Variants in INPP5A observed in about 807,000 individuals in gnomAD.
INPP5A encodes the protein inositol polyphosphate-5-phosphatase A, also known as 43 kDa inositol polyphosphate 5-phophatase.
In INPP5A, 14 loss-of-function variants were observed where a neutral mutation model predicts 65.2. That is an observed-to-expected ratio of 0.21 (90% confidence interval 0.14 to 0.34). The LOEUF is 0.34. Ranked by LOEUF, INPP5A falls within the 10% of genes least tolerant of loss-of-function variation. INPP5A has a pLI of 1.00. For synonymous variants in INPP5A, 207 were observed against 208.3 expected (o/e 0.99, Z 0.05); for missense variants, 431 against 545.6 (o/e 0.79, Z 2.09).
chr10:132,651,489 G>A lies in INPP5A; in HGVS notation c.306+984G>A, dbSNP rs961617777. On this transcript the variant is annotated intron_variant, in intron 4 of 15. Transcript: ENST00000368594. The surrounding 1 kb of genome is among the most constrained non-coding windows in gnomAD (Gnocchi z 5.0). ...TGGGTCCATCTCCCCCATCTCTGGGGAGGCCCTGGGTCCCCCGGCCTGGTT... is the reference window on the plus strand; with the variant it reads ...TGGGTCCATCTCCCCCATCTCTGGGAAGGCCCTGGGTCCCCCGGCCTGGTT... Among the ~76,000 whole-genome samples, 1 of 144,994 alleles carries A rather than the reference G, an allele frequency of 6.9e-6. No individual in the cohort carries two copies. The highest frequency in any genetic ancestry group is 2.6e-5 in the African/African-American group (1 of 38,964).
chr10:132,607,847 T>G (rs2071879879), intron 1 of INPP5A, 68 bp from the exon 2 acceptor site: 19 of 1,471,712 alleles, frequency 1.3e-5, no homozygotes, highest in Non-Finnish European at 1.8e-5. Context: ...TCACAGGAGC[T>G]TGTCCTGGCT....
chr10:132,558,299 GGCTCTCCCCCCCGGCCCAC>G (rs1164240911), intron 1 of INPP5A, among the ~76,000 whole-genome samples: 1 of 152,036 alleles, frequency 6.6e-6, no homozygotes, highest in African/African-American at 2.4e-5. Flanking sequence ...CACGCTCTGG[GGCTCTCCCCCCCGGCCCAC>G]GCTCTCCTGA....
intron 1 of INPP5A, among the ~76,000 whole-genome samples, chr10:132,584,748 A>G (rs1408269395): frequency 6.6e-6 from 1 of 152,050 alleles, no homozygotes; most frequent in African/African-American, 2.4e-5. Context: ...TAATTTACTT[A>G]TTTTTGAGAC....
chr10:132,732,773 C>T (rs1846108562), intron 9 of INPP5A, among the ~76,000 whole-genome samples: 2 of 152,150 alleles, frequency 1.3e-5, no homozygotes, highest in South Asian at 4.1e-4. Flanking sequence ...GTGGCCATGT[C>T]GCTTCCTGTG....
At position 132,675,512 on chromosome 10, in the gene INPP5A, A is replaced by T. The variant is rs1310692049; in HGVS notation, c.307-14880A>T. 6.6e-6 allele frequency among the ~76,000 whole-genome samples: 1 copy of T among 152,174 alleles called. No homozygotes were observed. Among genetic ancestry groups the T allele is most frequent in the Non-Finnish European group, 1.5e-5 (1 of 68,034 alleles). On this transcript the variant is annotated intron_variant, in intron 4 of 15. Coordinates refer to ENST00000368594, the MANE Select transcript of INPP5A (RefSeq NM_005539.5). The surrounding 1 kb of genome is among the most constrained non-coding windows in gnomAD (Gnocchi z 4.2). ...ACCGAGGCACCTCCTGCAGTGTAAA[A>T]CACGGAGAGAAGTGCGGTTGAGCAT...
chr10:132,544,522 T>A (rs1043651746), intron 1 of INPP5A, among the ~76,000 whole-genome samples: 3 of 152,042 alleles, frequency 2.0e-5, no homozygotes, highest in Non-Finnish European at 4.4e-5. Flanking sequence ...CCAGGGCTCA[T>A]AAGCGGCAGG....
At chr10:132,686,721 AATG>A (rs1169538644) in intron 4 of INPP5A, among the ~76,000 whole-genome samples, 1 of 152,230 alleles carries the variant, frequency 6.6e-6, no homozygotes, top group African/African-American at 2.4e-5. Context: ...TTTAACATTC[AATG>A]AGGTAATGAT....
chr10:132,573,661 C>T (rs1427304359), intron 1 of INPP5A, among the ~76,000 whole-genome samples: 18 of 47,146 alleles, frequency 3.8e-4, no homozygotes, highest in Admixed American at 7.8e-4. Context: ...TTGGGGTGTG[C>T]GTGCCGTGTG....
chr10:132,709,568 C>T (rs962542005), intron 7 of INPP5A, among the ~76,000 whole-genome samples: 1 of 152,106 alleles, frequency 6.6e-6, no homozygotes, highest in Admixed American at 6.5e-5. Flanking sequence ...GGCACGTTCA[C>T]CAGGCAGCGT....
intron 4 of INPP5A, among the ~76,000 whole-genome samples, chr10:132,684,580 T>C (rs1480951730): frequency 6.6e-6 from 1 of 152,232 alleles, no homozygotes; most frequent in Non-Finnish European, 1.5e-5. Context: ...GTGGCTCATG[T>C]CTTCAGCAGT....
chr10:132,560,766 T>C (rs185745319), intron 1 of INPP5A, among the ~76,000 whole-genome samples: 148 of 152,262 alleles, frequency 9.7e-4, no homozygotes, highest in Non-Finnish European at 1.7e-3. Flanking sequence ...TCAGCATGCT[T>C]GGCTAATTTT....
At chr10:132,612,871 G>A (rs1005957246) in intron 2 of INPP5A, among the ~76,000 whole-genome samples, 15 of 152,172 alleles carry the variant, frequency 9.9e-5, no homozygotes, top group African/African-American at 2.7e-4. Context: ...GGTTTTGGGC[G>A]CATCCAGGAG....
rs1160975909 is a variant in INPP5A, at chr10:132,698,428, A to C, written c.474+509A>C. Among the ~76,000 whole-genome samples the C allele has an allele frequency of 6.6e-6, 1 of 152,212 alleles. No individual in the cohort carries two copies. The highest frequency in any genetic ancestry group is 1.5e-5 in the Non-Finnish European group (1 of 68,026). ...GTCACACGGAGAGATTAGAATCAAA[A>C]TGTGTGGAAGGCATTTGTCGTCTCA... On this transcript the variant is annotated intron_variant, in intron 6 of 15. Transcript: ENST00000368594. This position sits in a 1 kb window ranked among gnomAD's most constrained non-coding sequence, Gnocchi z 5.5.
intron 1 of INPP5A, among the ~76,000 whole-genome samples, chr10:132,548,900 A>T (rs1807140342): frequency 6.8e-6 from 1 of 147,712 alleles, no homozygotes; most frequent in Non-Finnish European, 1.5e-5. Context: ...GGACTCAAGC[A>T]TTCTTCCTGC....
intron 4 of INPP5A, among the ~76,000 whole-genome samples, chr10:132,682,975 C>G (rs1392926953): frequency 6.6e-6 from 1 of 151,116 alleles, no homozygotes; most frequent in Non-Finnish European, 1.5e-5. Flanking sequence ...CATATGTACG[C>G]ACATTTAATC....
Position 132,633,429 on chromosome 10 carries a change from C to G in INPP5A, c.118-12439C>G, listed in dbSNP as rs11146444. The stretch of plus-strand genomic sequence containing the variant: ...TTCTCGCCTTGTGCAGTGACTAAAT[C>G]TGTTTTAAAACGAAGTCTCTGATGT... On this transcript the variant is annotated intron_variant, in intron 2 of 15. Coordinates refer to ENST00000368594, the MANE Select transcript of INPP5A (RefSeq NM_005539.5). 6.9e-3 allele frequency among the ~76,000 whole-genome samples: 1,055 copies of G among 152,286 alleles called. 33 individuals are homozygous for G. In the East Asian group the frequency reaches 0.081, roughly 12 times the overall value.
At chr10:132,692,358 C>T (rs1845281914) in intron 5 of INPP5A, among the ~76,000 whole-genome samples, 1 of 152,162 alleles carries the variant, frequency 6.6e-6, no homozygotes, top group African/African-American at 2.4e-5. Context: ...AGGAAAGGAA[C>T]AGAAGGAAGA....
intron 6 of INPP5A, among the ~76,000 whole-genome samples, 199 bp from the exon 7 acceptor site, chr10:132,708,114 C>T (rs942666178): frequency 4.6e-5 from 7 of 152,226 alleles, no homozygotes; most frequent in African/African-American, 1.7e-4. Flanking sequence ...TCAGCAGCCC[C>T]TGCAGGCATC....
chr10:132,733,316 C>T (rs1330669090), intron 9 of INPP5A, among the ~76,000 whole-genome samples: 2 of 152,218 alleles, frequency 1.3e-5, no homozygotes, highest in African/African-American at 2.4e-5. Context: ...CAGCAGGCAG[C>T]GCCGGAGTGA....
Sources: gnomAD v4.1 joint callset for allele counts (sites outside exome capture counted in the v4.1 genomes callset) on GRCh38, gnomAD v4.1.1 for gene constraint, Gnocchi (gnomAD v3.1) non-coding constraint, MANE v1.5 for transcripts, NCBI Gene and HGNC (gene_info 2026-07-23, HGNC 2026-07-21) for gene names.